TESC: variants seen among roughly 807,000 people sequenced by gnomAD.
The protein encoded by TESC is calcineurin B homologous protein 3.
Under a neutral mutation model 31.0 loss-of-function variants are expected in TESC, and 19 were observed. That is an observed-to-expected ratio of 0.61 (90% CI 0.43 to 0.90). The LOEUF (loss-of-function observed/expected upper bound fraction) is 0.90. Among genes scored for constraint, TESC ranks in the 40% least tolerant of loss-of-function variants. TESC has a pLI of 0.00. For synonymous variants in TESC, 109 were observed against 114.8 expected (o/e 0.95, Z 0.32); for missense variants, 248 against 303.8 (o/e 0.82, Z 1.36).
intron 1 of TESC, among the ~76,000 whole-genome samples, chr12:117,078,205 C>T (rs909503007): frequency 6.6e-6 from 1 of 152,154 alleles, no homozygotes; most frequent in Non-Finnish European, 1.5e-5. Flanking sequence ...CGGTGGCTCA[C>T]GCCTGGAATC....
rs1323289307 is a variant in TESC, at chr12:117,068,574, C to G, written c.128+6697G>C. 2.0e-5 allele frequency among the ~76,000 whole-genome samples: 3 copies of G among 152,120 alleles called. 1 individual carries two copies. Among genetic ancestry groups the G allele is most frequent in the Admixed American group, 2.0e-4 (3 of 15,266 alleles). On this transcript the variant is annotated intron_variant, in intron 2 of 7. Coordinates refer to ENST00000335209, the MANE Select transcript of TESC (RefSeq NM_017899.4). Reference sequence around the variant, plus strand: ...CACTGCTGAAGGAAGAAAAACAGGACCTGGAGTTAGGACATTTTGCTGACG... The same window carrying G: ...CACTGCTGAAGGAAGAAAAACAGGAGCTGGAGTTAGGACATTTTGCTGACG...
intron 1 of TESC, among the ~76,000 whole-genome samples, chr12:117,082,905 C>A (rs1237114471): frequency 7.2e-5 from 11 of 151,852 alleles, no homozygotes; most frequent in Admixed American, 7.2e-4. Context: ...TTTTTTTAAC[C>A]ATGATGACTA....
chr12:117,098,287 G>C (rs1467555982), intron 1 of TESC: 1 of 152,406 alleles, frequency 6.6e-6, no homozygotes, highest in African/African-American at 2.4e-5. Flanking sequence ...GGAAAGCTGA[G>C]AATCAGAGAG....
chr12:117,042,109 G>C (rs1954493056), intron 6 of TESC, 115 bp from the exon 7 acceptor site: 1 of 1,064,548 alleles, frequency 9.4e-7, no homozygotes. Context: ...AAGTTGTTGA[G>C]GCTGTTTGGG....
At chr12:117,040,773 C>A (rs886111060) in intron 7 of TESC, among the ~76,000 whole-genome samples, 12 of 152,228 alleles carry the variant, frequency 7.9e-5, no homozygotes, top group Admixed American at 1.3e-4. Flanking sequence ...CCAGGCCCTG[C>A]TGCCTGCCTC....
chr12:117,074,257 G>C (rs1474864298), intron 2 of TESC, among the ~76,000 whole-genome samples: 1 of 151,926 alleles, frequency 6.6e-6, no homozygotes, highest in Non-Finnish European at 1.5e-5. Flanking sequence ...GGTCCCAGCT[G>C]CTTGGGAGGC....
intron 1 of TESC, among the ~76,000 whole-genome samples, chr12:117,076,713 G>C (rs1312465944): frequency 6.6e-6 from 1 of 152,146 alleles, no homozygotes; most frequent in Non-Finnish European, 1.5e-5. Context: ...CAAAGTGCTG[G>C]GATTACAGGT....
intron 1 of TESC, among the ~76,000 whole-genome samples, chr12:117,084,795 T>TA (rs765233732): frequency 8.7e-4 from 132 of 152,312 alleles, no homozygotes; most frequent in Non-Finnish European, 1.1e-3. Context: ...TGTGAGCCTG[T>TA]AGTCCCAGGA....
chr12:117,082,229 C>T (rs565135510), intron 1 of TESC, among the ~76,000 whole-genome samples: 1 of 151,894 alleles, frequency 6.6e-6, no homozygotes. Context: ...ATTGGCTGGG[C>T]GCAGTGGCTC....
chr12:117,055,872 G>C (rs947961139), intron 3 of TESC, among the ~76,000 whole-genome samples: 3 of 151,444 alleles, frequency 2.0e-5, no homozygotes, highest in African/African-American at 7.3e-5. Flanking sequence ...CTGACCCAAA[G>C]AAATGGTGAG....
chr12:117,077,099 A>G (rs560905216), intron 1 of TESC, among the ~76,000 whole-genome samples: 1 of 152,132 alleles, frequency 6.6e-6, no homozygotes, highest in East Asian at 1.9e-4. Context: ...CTTCCTGCTC[A>G]TTGTTTTTTG....
At chr12:117,068,839 G>A (rs1954923142) in intron 2 of TESC, among the ~76,000 whole-genome samples, 1 of 152,088 alleles carries the variant, frequency 6.6e-6, no homozygotes, top group East Asian at 1.9e-4. Flanking sequence ...TCTATTTCTG[G>A]CATTTATAAG....
Position 117,039,109 on chromosome 12 carries a change from T to C in TESC, c.*24A>G. The C allele has an allele frequency of 1.9e-6, 3 of 1,612,510 alleles. No individual in the cohort carries two copies. The highest frequency in any genetic ancestry group is 2.5e-6 in the Non-Finnish European group (3 of 1,179,382). ...GAGGCGGCCCCATTGCAAAGTGCAG[T>C]TTCTCCGCGGAGGTGGCGGTGGGTC... On this transcript the variant is annotated 3_prime_UTR_variant, in exon 8 of 8. Coordinates refer to ENST00000335209, the MANE Select transcript of TESC (RefSeq NM_017899.4).
intron 6 of TESC, among the ~76,000 whole-genome samples, chr12:117,046,139 C>A (rs151188617): frequency 6.6e-6 from 1 of 152,220 alleles, no homozygotes; most frequent in South Asian, 2.1e-4. Context: ...CCCAATAGGG[C>A]TCCCTGCTGA....
chr12:117,096,593 AC>A (rs56380263), intron 1 of TESC, among the ~76,000 whole-genome samples: 76,145 of 151,870 alleles, frequency 0.5, 20,638 homozygotes, highest in African/African-American at 0.72. Flanking sequence ...TCAATAACAA[AC>A]CATGTACATG....
intron 6 of TESC, among the ~76,000 whole-genome samples, chr12:117,045,184 GC>G (rs1954539781): frequency 6.6e-6 from 1 of 152,204 alleles, no homozygotes; most frequent in Non-Finnish European, 1.5e-5. Flanking sequence ...GTGGAGATGA[GC>G]CCTCTGCCTT....
chr12:117,039,272 C>A, intron 7 of TESC, 62 bp from the exon 8 acceptor site: 2 of 1,512,736 alleles, frequency 1.3e-6, no homozygotes, highest in East Asian at 2.4e-5. Flanking sequence ...CTGACCAGGC[C>A]CCCCGGTCCT....
chr12:117,082,184 G>A (rs1955157952), intron 1 of TESC, among the ~76,000 whole-genome samples: 1 of 152,116 alleles, frequency 6.6e-6, no homozygotes, highest in Admixed American at 6.6e-5. Flanking sequence ...ATGAGCAGCA[G>A]AGCGAGGGGC....
rs191524328 is a variant in TESC at position 117,084,762 on chromosome 12, T to A, written c.59-9422A>T. ...AAGAGAATGTCAGCATGCGCTCCCA[T>A]CCATTTTGGGGCACCAGGACTCTGT... On this transcript the variant is annotated intron_variant, in intron 1 of 7. Transcript: ENST00000335209. Among the ~76,000 whole-genome samples the A allele has an allele frequency of 4.2e-3, 645 of 152,238 alleles. 16 individuals carry two copies. The highest frequency in any genetic ancestry group is 2.0e-3 in the Non-Finnish European group (133 of 68,004).
Sources: gnomAD v4.1 joint callset for allele counts (sites outside exome capture counted in the v4.1 genomes callset) on GRCh38, gnomAD v4.1.1 for gene constraint, MANE v1.5 for transcripts, NCBI Gene and HGNC (gene_info 2026-07-23, HGNC 2026-07-21) for gene names.